The following SNAPC3 variants were observed in gnomAD, a reference collection of about 807,000 sequenced individuals.
SNAPC3 encodes the protein small nuclear RNA activating complex polypeptide 3, also known as snRNA-activating protein complex subunit 3.
Under a neutral mutation model 47.7 loss-of-function variants are expected in SNAPC3, and 56 were observed. The ratio of observed to expected loss-of-function variants is 1.18; its 90% CI spans 0.95 to 1.47. The LOEUF (loss-of-function observed/expected upper bound fraction) is 1.47, where lower values mean the gene tolerates loss of function less well. Among genes scored for constraint, SNAPC3 ranks in the 40% most tolerant of loss-of-function variants. The pLI is 0.00. For missense variants in SNAPC3, 665 were observed against 511.3 expected (o/e 1.30, Z -2.90); for synonymous variants, 235 against 189.9 (o/e 1.24, Z -1.95).
At position 15,459,786 on chromosome 9, in the gene SNAPC3, A is replaced by T; in HGVS notation, c.1156A>T (p.Met386Leu). The T allele has an allele frequency of 6.2e-7, 1 of 1,613,660 alleles. No homozygotes were observed. The highest frequency in any genetic ancestry group is 8.5e-7 in the Non-Finnish European group (1 of 1,179,764). ...PCFFCDVCFR[M>L]LHYDSEGNKL... is the part of the protein sequence containing the mutation. ...CTTCTTTTGTGATGTTTGCTTCCGA[A>T]TGCTGCACTATGATTCAGAAGGCAA... The change falls in exon 9 of 9, where the codon ATG (methionine) becomes TTG (leucine). Residue 386 changes from methionine (M) to leucine (L), a missense_variant. Physicochemically the swap from Met to Leu is conservative, Grantham distance 15. Transcript: ENST00000380821.
At chr9:15,453,865 C>G (rs2034574791) in intron 7 of SNAPC3, among the ~76,000 whole-genome samples, 4 of 152,128 alleles carry the variant, frequency 2.6e-5, no homozygotes, top group African/African-American at 9.7e-5. Flanking sequence ...TTTTGTGGAA[C>G]AATAATGTAC....
chr9:15,443,644 C>G (rs1458487001), intron 3 of SNAPC3, among the ~76,000 whole-genome samples: 1 of 152,194 alleles, frequency 6.6e-6, no homozygotes, highest in Non-Finnish European at 1.5e-5. Flanking sequence ...GGGGAAGCTG[C>G]TGCCACCAAG....
downstream of SNAPC3, chr9:15,465,589 A>G (rs2035566825): frequency 5.1e-6 from 8 of 1,564,336 alleles, no homozygotes; most frequent in Non-Finnish European, 7.0e-6. Flanking sequence ...GCCTGAAGAA[A>G]AGGGGGAAAG....
chr9:15,430,458 G>T (rs1254357547), intron 2 of SNAPC3, among the ~76,000 whole-genome samples: 1 of 151,788 alleles, frequency 6.6e-6, no homozygotes, highest in Admixed American at 6.6e-5. Context: ...TAAATTTCCA[G>T]CTCAGAAAAC....
At chr9:15,426,692 G>T (rs972568893) in intron 2 of SNAPC3, among the ~76,000 whole-genome samples, 2 of 152,192 alleles carry the variant, frequency 1.3e-5, no homozygotes, top group African/African-American at 2.4e-5. Context: ...GTTAAGCCAT[G>T]TTAAATAGTA....
intron 1 of SNAPC3, 68 bp from the exon 2 acceptor site, chr9:15,423,841 C>T (rs2030944766): frequency 1.1e-6 from 1 of 912,698 alleles, no homozygotes; most frequent in Non-Finnish European, 1.6e-6. Flanking sequence ...TTTAGGAAAA[C>T]AACCCTAACT....
Position 15,433,076 on chromosome 9 carries a change from C to G in SNAPC3, c.393-476C>G, listed in dbSNP as rs371316799. On this transcript the variant is annotated intron_variant, in intron 2 of 8. Coordinates refer to ENST00000380821, the MANE Select transcript of SNAPC3 (RefSeq NM_001039697.2). ...TCATTGTAGTATTCTTACCAAAATG[C>G]TAAATTTATTCCTATCATGAGGAAC... Among the ~76,000 whole-genome samples the G allele has an allele frequency of 3.9e-5, 6 of 152,118 alleles. No individual in the cohort carries two copies. In the East Asian group the frequency reaches 9.6e-4, roughly 24 times the overall value.
At chr9:15,449,085 C>T (rs937335412) in intron 5 of SNAPC3, among the ~76,000 whole-genome samples, 7 of 152,092 alleles carry the variant, frequency 4.6e-5, no homozygotes, top group South Asian at 2.1e-4. Context: ...GCTGGGATTA[C>T]AAGGTGTGAG....
chr9:15,442,669 C>G (rs4510953), intron 3 of SNAPC3, among the ~76,000 whole-genome samples: 2 of 151,148 alleles, frequency 1.3e-5, no homozygotes, highest in East Asian at 3.9e-4. Flanking sequence ...CAGGAAGAGA[C>G]GCTCCGCACT....
Position 15,457,992 on chromosome 9 carries a change from C to T in SNAPC3, c.1013C>T (p.Thr338Ile), listed in dbSNP as rs1336808946. The T allele has an allele frequency of 1.9e-6, 3 of 1,595,132 alleles. No homozygotes were observed. The highest frequency in any genetic ancestry group is 2.3e-5 in the East Asian group (1 of 44,230). ...CATCATGATGACTGCTTGGATAGGACATTGTATCCCCTCCTTATCAAGAAG... is the reference window on the plus strand; with the variant it reads ...CATCATGATGACTGCTTGGATAGGATATTGTATCCCCTCCTTATCAAGAAG... ...LVHHDDCLDR[T>I]LYPLLIKKHW... Residue 338 changes from threonine (T) to isoleucine (I), a missense_variant, in exon 8 of 9, where the codon ACA becomes ATA. Thr to Ile is a moderately conservative substitution (Grantham distance 89). Transcript: ENST00000380821.
In SNAPC3 at chr9:15,444,428, T is replaced by C. The variant is rs78485720; in HGVS notation, c.478-174T>C. On this transcript the variant is annotated intron_variant, in intron 3 of 8. Transcript: ENST00000380821. ...TAAGTATTTTCTGGTTCTGTTTGTT[T>C]ATTGAAAGAAGATGAAACTAAAGCT... Among the ~76,000 whole-genome samples the C allele has an allele frequency of 6.0e-4, 91 of 152,368 alleles. No individual in the cohort carries two copies. In the East Asian group the frequency reaches 0.01, roughly 17 times the overall value.
At chr9:15,441,846 C>T (rs1440802056) in intron 3 of SNAPC3, among the ~76,000 whole-genome samples, 1 of 152,216 alleles carries the variant, frequency 6.6e-6, no homozygotes, top group Non-Finnish European at 1.5e-5. Context: ...CCCCACATTT[C>T]CCCCTTTTCT....
chr9:15,452,957 T>G (rs2034501915), intron 6 of SNAPC3, 84 bp from the exon 7 acceptor site: 24 of 1,147,506 alleles, frequency 2.1e-5, no homozygotes, highest in Non-Finnish European at 3.0e-5. Context: ...TAGGTTAATG[T>G]GAATTACTGC....
In SNAPC3 at chr9:15,423,158, C is replaced by G; in HGVS notation, c.279C>G (p.Ser93Arg). ...DAAVARDLDC[S>R]LEAAAELRAV... ...CGGTGGCCAGGGATCTGGACTGCAG[C>G]CTGGAGGCGGCGGCTGAGCTGAGGG... The change falls in exon 1 of 9, where the codon AGC (serine) becomes AGG (arginine). Residue 93 changes from serine (S) to arginine (R), a missense_variant. Physicochemically the swap from Ser to Arg is moderately radical, Grantham distance 110 (BLOSUM62 -1). Coordinates refer to ENST00000380821, the MANE Select transcript of SNAPC3 (RefSeq NM_001039697.2). 1.9e-6 allele frequency: 3 copies of G among 1,572,940 alleles called. No individual in the cohort carries two copies. The highest frequency in any genetic ancestry group is 2.6e-6 in the Non-Finnish European group (3 of 1,168,840).
chr9:15,463,237 T>G (rs2035355450), downstream of SNAPC3: 1 of 135,274 alleles, frequency 7.4e-6, no homozygotes, highest in African/African-American at 3.0e-5. Context: ...TTTTTTTTTT[T>G]TTTTTGAGAT....
At chr9:15,457,259 A>G (rs1563855280) in intron 7 of SNAPC3, among the ~76,000 whole-genome samples, 1 of 152,192 alleles carries the variant, frequency 6.6e-6, no homozygotes, top group Non-Finnish European at 1.5e-5. Context: ...TCTAGGTAAA[A>G]TATCACTGAG....
chr9:15,466,434 T>C (rs1245510139), downstream of SNAPC3, among the ~76,000 whole-genome samples: 1 of 152,186 alleles, frequency 6.6e-6, no homozygotes, highest in African/African-American at 2.4e-5. Context: ...TTTACAATTA[T>C]CCTTTCACAA....
At chr9:15,465,442 T>TA, downstream of SNAPC3, 1 of 1,287,946 alleles carries the variant, frequency 7.8e-7, no homozygotes, top group Non-Finnish European at 1.1e-6. Flanking sequence ...TATAAAAATT[T>TA]AAAACTTTCA....
At chr9:15,436,759 G>A (rs2032840566) in intron 3 of SNAPC3, among the ~76,000 whole-genome samples, 1 of 151,206 alleles carries the variant, frequency 6.6e-6, no homozygotes, top group Admixed American at 6.6e-5. Context: ...ATGATACCAA[G>A]TCTTCCAATC....
Sources: gnomAD v4.1 joint callset for allele counts (sites outside exome capture counted in the v4.1 genomes callset) on GRCh38, gnomAD v4.1.1 for gene constraint, MANE v1.5 for transcripts, NCBI Gene and HGNC (gene_info 2026-07-23, HGNC 2026-07-21) for gene names.